WNT9B: variants seen among roughly 807,000 people sequenced by gnomAD.
The protein encoded by WNT9B is protein Wnt-9b.
WNT9B carries 12 observed loss-of-function variants against 30.2 expected under a neutral mutation model. The observed-to-expected ratio is 0.40, with a 90% CI of 0.26 to 0.64. The LOEUF (loss-of-function observed/expected upper bound fraction) is 0.64, where lower values mean the gene tolerates loss of function less well. Among genes scored for constraint, WNT9B ranks in the 30% least tolerant of loss-of-function variants. The pLI, the probability that WNT9B is intolerant of heterozygous loss-of-function variation, is 0.42. For missense variants in WNT9B, 442 were observed against 485.2 expected, an observed-to-expected ratio of 0.91 and a Z score of 0.84; for synonymous variants, 218 against 216.9, an observed-to-expected ratio of 1.01 and a Z score of -0.05.
chr17:46,842,056 G>A (rs1284563340), intron 1 of WNT9B, among the ~76,000 whole-genome samples: 10 of 152,324 alleles, frequency 6.6e-5, no homozygotes. Flanking sequence ...CTGGGGACCC[G>A]GGAGGCCTCC....
At chr17:46,837,982 A>G (rs2084653384) in intron 1 of WNT9B, among the ~76,000 whole-genome samples, 1 of 152,146 alleles carries the variant, frequency 6.6e-6, no homozygotes, top group South Asian at 2.1e-4. Flanking sequence ...CCACGTGTAC[A>G]TCACCGTCTT....
chr17:46,842,843 A>G (rs1166908203), intron 1 of WNT9B, among the ~76,000 whole-genome samples: 2 of 152,262 alleles, frequency 1.3e-5, no homozygotes, highest in Admixed American at 6.5e-5. Context: ...CTTCTGAATC[A>G]CACTGGAAGA....
chr17:46,853,248 C>G (rs1168027310), intron 1 of WNT9B, among the ~76,000 whole-genome samples: 2 of 151,640 alleles, frequency 1.3e-5, no homozygotes, highest in African/African-American at 4.8e-5. Flanking sequence ...CTCTCAGTCT[C>G]TCAATCTGTA....
At chr17:46,836,587 A>G (rs74941685) in intron 1 of WNT9B, among the ~76,000 whole-genome samples, 2,233 of 152,362 alleles carry the variant, frequency 0.015, 141 homozygotes, top group East Asian at 0.14. Context: ...GTTGGGAGAA[A>G]TAAGTAGGAT....
At chr17:46,836,099 T>TGTGTGTGTGTGTGTGTGTGTGTGTGTGC (rs750595027) in intron 1 of WNT9B, among the ~76,000 whole-genome samples, 1 of 120,776 alleles carries the variant, frequency 8.3e-6, no homozygotes, top group East Asian at 2.0e-4. Flanking sequence ...CGCTGACGTG[T>TGTGTGTGTGTGTGTGTGTGTGTGTGTGC]GTGTGTGTGT....
At chr17:46,874,391 G>C (rs566252886) in intron 2 of WNT9B, among the ~76,000 whole-genome samples, 1 of 152,114 alleles carries the variant, frequency 6.6e-6, no homozygotes, top group Non-Finnish European at 1.5e-5. Context: ...GTCATACACC[G>C]ACCTGGAGTC....
chr17:46,850,528 G>C (rs1314441441), upstream of WNT9B, among the ~76,000 whole-genome samples: 1 of 152,122 alleles, frequency 6.6e-6, no homozygotes, highest in Non-Finnish European at 1.5e-5. Context: ...TGTTCCCTAT[G>C]CATGGCTGAT....
intron 1 of WNT9B, among the ~76,000 whole-genome samples, chr17:46,840,044 CTT>C (rs1238043270): frequency 1.5e-5 from 2 of 134,122 alleles, no homozygotes; most frequent in African/African-American, 5.6e-5. Flanking sequence ...TTCTTTCTTT[CTT>C]TCTCTCTCTC....
At chr17:46,850,763 T>TG (rs899323590), upstream of WNT9B, among the ~76,000 whole-genome samples, 2 of 152,180 alleles carry the variant, frequency 1.3e-5, no homozygotes, top group African/African-American at 4.8e-5. Context: ...AACAGAACTT[T>TG]GGGGCCCAAC....
chr17:46,841,458 G>A (rs1297948233), intron 1 of WNT9B, among the ~76,000 whole-genome samples: 1 of 152,256 alleles, frequency 6.6e-6, no homozygotes, highest in Non-Finnish European at 1.5e-5. Context: ...CCTCTGGGCG[G>A]GAGGGTGGAG....
At chr17:46,841,899 G>T (rs563741400) in intron 1 of WNT9B, among the ~76,000 whole-genome samples, 4 of 152,072 alleles carry the variant, frequency 2.6e-5, no homozygotes, top group Non-Finnish European at 4.4e-5. Context: ...TGCGGTGTGT[G>T]GGGGGGTCTC....
Position 46,876,484 on chromosome 17 carries a change from C to T in WNT9B, c.840C>T (p.Asp280=). The T allele has an allele frequency of 6.2e-7, 1 of 1,613,664 alleles. No homozygotes were observed. The highest frequency in any genetic ancestry group is 1.6e-4 in the Middle Eastern group (1 of 6,062). Residue 280 remains aspartate (D), a synonymous_variant, in exon 4 of 4, where the codon GAC becomes GAT. Coordinates refer to ENST00000290015, the MANE Select transcript of WNT9B (RefSeq NM_003396.3). ...AAGGCCTGGCCCCAAGGTCTGGGGA[C>T]CTGGTGTACATGGAGGACTCACCCA... The part of the protein sequence containing the change: ...LTKGLAPRSG[D]LVYMEDSPSF...
chr17:46,868,695 A>G (rs1304460445), intron 1 of WNT9B, among the ~76,000 whole-genome samples: 1 of 152,262 alleles, frequency 6.6e-6, no homozygotes, highest in African/African-American at 2.4e-5. Context: ...CCAGTTGTCC[A>G]TCTTACCCCC....
intron 1 of WNT9B, among the ~76,000 whole-genome samples, chr17:46,846,081 G>A (rs62071983): frequency 0.012 from 1,774 of 152,210 alleles, 24 homozygotes; most frequent in Non-Finnish European, 0.02. Flanking sequence ...GTGAACCACC[G>A]TGCCCGGCCA....
At chr17:46,883,564 C>T (rs1220888522), downstream of WNT9B, among the ~76,000 whole-genome samples, 2 of 152,330 alleles carry the variant, frequency 1.3e-5, no homozygotes, top group African/African-American at 4.8e-5. Flanking sequence ...GGATTACAGG[C>T]GTGAGCCACT....
intron 1 of WNT9B, among the ~76,000 whole-genome samples, chr17:46,834,094 CTG>C (rs2084592601): frequency 6.6e-6 from 1 of 152,054 alleles, no homozygotes; most frequent in Non-Finnish European, 1.5e-5. Context: ...ACTCGGGAGG[CTG>C]AGGGGAGAGG....
At chr17:46,865,094 A>G (rs2085109599) in intron 1 of WNT9B, among the ~76,000 whole-genome samples, 1 of 152,212 alleles carries the variant, frequency 6.6e-6, no homozygotes, top group Admixed American at 6.5e-5. Context: ...CACCTGATGC[A>G]TACGTGCCAG....
At chr17:46,871,736 T>G (rs1398167609) in intron 1 of WNT9B, among the ~76,000 whole-genome samples, 2 of 152,188 alleles carry the variant, frequency 1.3e-5, no homozygotes, top group Admixed American at 1.3e-4. Flanking sequence ...CCAGAATCGA[T>G]GAACTTTCAA....
chr17:46,878,388 C>T lies in WNT9B; in HGVS notation c.*1670C>T, dbSNP rs369226569. On this transcript the variant is annotated 3_prime_UTR_variant, in exon 4 of 4. Transcript: ENST00000290015. ...GCCAACTCCCTGAGACCTCCAAGGG[C>T]GAGGAGGAGCTGCCCAGTCTCCAGT... 8.1e-4 allele frequency among the ~76,000 whole-genome samples: 123 copies of T among 152,344 alleles called. 1 individual carries two copies. The highest frequency in any genetic ancestry group is 3.5e-3 in the South Asian group (17 of 4,820).
Sources: allele counts gnomAD v4.1 joint callset (sites outside exome capture counted in the v4.1 genomes callset), GRCh38; gene constraint gnomAD v4.1.1; transcripts MANE v1.5; gene names NCBI Gene and HGNC (gene_info 2026-07-23, HGNC 2026-07-21).